The following GPC5 variants were observed in gnomAD, a reference collection of about 807,000 sequenced individuals.
GPC5 encodes the protein glypican 5, also known as glypican-5.
In GPC5, 47 loss-of-function variants were observed where a neutral mutation model predicts 53.9. The ratio of observed to expected loss-of-function variants is 0.87; its 90% CI spans 0.69 to 1.11. The LOEUF is 1.11. GPC5 is among the 50% of genes most tolerant of loss of function. The probability of loss-of-function intolerance (pLI) is 0.00; values close to 1 mark genes in which losing one functional copy is unlikely to be tolerated. For synonymous variants in GPC5, 286 were observed against 263.3 expected, an observed-to-expected ratio of 1.09 and a Z score of -0.84; for missense variants, 748 against 713.1, an observed-to-expected ratio of 1.05 and a Z score of -0.56.
intron 7 of GPC5, among the ~76,000 whole-genome samples, chr13:92,455,387 T>C (rs1878222384): frequency 6.6e-6 from 1 of 152,184 alleles, no homozygotes. Context: ...GTATGATCTC[T>C]AAAAATTCAA....
chr13:91,528,298 A>AG, intron 2 of GPC5, among the ~76,000 whole-genome samples: 1 of 152,182 alleles, frequency 6.6e-6, no homozygotes, highest in South Asian at 2.1e-4. Flanking sequence ...GCTGCTTAGA[A>AG]ATTTCTTCTG....
intron 6 of GPC5, among the ~76,000 whole-genome samples, chr13:92,099,498 T>C (rs936182104): frequency 2.6e-5 from 4 of 152,202 alleles, no homozygotes; most frequent in African/African-American, 9.7e-5. Flanking sequence ...ATGTCCAATC[T>C]TTCCCAAGAT....
At chr13:92,642,672 C>G (rs1200107149) in intron 7 of GPC5, among the ~76,000 whole-genome samples, 2 of 152,156 alleles carry the variant, frequency 1.3e-5, no homozygotes, top group Non-Finnish European at 2.9e-5. Context: ...TGTGTTGAGT[C>G]AAATTTGTAG....
At chr13:91,536,954 C>T (rs181458121) in intron 2 of GPC5, among the ~76,000 whole-genome samples, 73 of 151,912 alleles carry the variant, frequency 4.8e-4, no homozygotes, top group Admixed American at 9.8e-4. Context: ...AAATAATGAA[C>T]GAATCAAAGA....
At chr13:92,373,632 T>G (rs76076828) in intron 7 of GPC5, among the ~76,000 whole-genome samples, 2,865 of 152,294 alleles carry the variant, frequency 0.019, 99 homozygotes, top group African/African-American at 0.065. Flanking sequence ...CTTCCAGGCA[T>G]TCATATCCCT....
At chr13:92,308,914 A>C (rs1483126069) in intron 7 of GPC5, among the ~76,000 whole-genome samples, 1 of 152,104 alleles carries the variant, frequency 6.6e-6, no homozygotes, top group African/African-American at 2.4e-5. Flanking sequence ...AAGCATGGCC[A>C]TGTGTGATCC....
chr13:92,589,224 G>A (rs895473386), intron 7 of GPC5, among the ~76,000 whole-genome samples: 1 of 152,084 alleles, frequency 6.6e-6, no homozygotes, highest in African/African-American at 2.4e-5. Context: ...TCCATCTACC[G>A]GCTGTACCAA....
At chr13:91,761,189 A>G (rs1341546226) in intron 5 of GPC5, among the ~76,000 whole-genome samples, 1 of 152,162 alleles carries the variant, frequency 6.6e-6, no homozygotes, top group African/African-American at 2.4e-5. Flanking sequence ...CTTTTGATTA[A>G]CAGATAATCC....
At chr13:92,194,647 A>G (rs1455896316) in intron 7 of GPC5, among the ~76,000 whole-genome samples, 1 of 152,228 alleles carries the variant, frequency 6.6e-6, no homozygotes, top group Non-Finnish European at 1.5e-5. Context: ...AATCAGTTTC[A>G]GTTTGCTGCA....
intron 2 of GPC5, among the ~76,000 whole-genome samples, chr13:91,617,647 C>T (rs757001077): frequency 4.6e-5 from 7 of 152,086 alleles, no homozygotes; most frequent in Non-Finnish European, 1.0e-4. Context: ...TCCCTCCCTC[C>T]TTTCTTTTCT....
At chr13:92,756,010 T>G (rs370882489) in intron 7 of GPC5, among the ~76,000 whole-genome samples, 73 of 152,132 alleles carry the variant, frequency 4.8e-4, no homozygotes, top group African/African-American at 1.6e-3. Flanking sequence ...TACCAAAGCC[T>G]GGCAGAGACA....
At chr13:91,441,122 T>C (rs1446616547) in intron 1 of GPC5, among the ~76,000 whole-genome samples, 1 of 152,010 alleles carries the variant, frequency 6.6e-6, no homozygotes, top group Non-Finnish European at 1.5e-5. Flanking sequence ...CCTTCAAATA[T>C]TGACTCCTCT....
intron 7 of GPC5, among the ~76,000 whole-genome samples, chr13:92,723,816 C>T (rs1888566738): frequency 6.6e-6 from 1 of 151,542 alleles, no homozygotes; most frequent in South Asian, 2.1e-4. Context: ...GGTCAGAATG[C>T]TGTGTATCTT....
At chr13:91,657,694 C>A (rs1441112705) in intron 2 of GPC5, among the ~76,000 whole-genome samples, 1 of 151,974 alleles carries the variant, frequency 6.6e-6, no homozygotes, top group African/African-American at 2.4e-5. Flanking sequence ...ACTCACTAAA[C>A]CTGATAAAAA....
chr13:92,597,631 A>T (rs1883923691), intron 7 of GPC5, among the ~76,000 whole-genome samples: 1 of 152,200 alleles, frequency 6.6e-6, no homozygotes, highest in Non-Finnish European at 1.5e-5. Context: ...TTTTCCAAAT[A>T]ATGCCAAGGA....
chr13:92,787,276 T>C (rs527236708), intron 7 of GPC5, among the ~76,000 whole-genome samples: 1 of 151,886 alleles, frequency 6.6e-6, no homozygotes, highest in Non-Finnish European at 1.5e-5. Flanking sequence ...ATCTTTAAAA[T>C]CAGAAAATTA....
In GPC5 at chr13:92,808,871, A is replaced by C. The variant is rs150766689; in HGVS notation, c.1562-57411A>C. Reference sequence around the variant, plus strand: ...TGCCCCTGAAATTGTTATCTATTTAACTCCAATATTACTTGAAGAGGCTTA... The same window carrying C: ...TGCCCCTGAAATTGTTATCTATTTACCTCCAATATTACTTGAAGAGGCTTA... On this transcript the variant is annotated intron_variant, in intron 7 of 7. Transcript: ENST00000377067. Among the ~76,000 whole-genome samples, 914 of 152,188 alleles carry C rather than the reference A, an allele frequency of 6.0e-3. 11 individuals are homozygous for C. Among genetic ancestry groups the C allele is most frequent in the African/African-American group, 0.021 (873 of 41,520 alleles).
chr13:91,770,704 TTGTGTGTG>T (rs71113759), intron 5 of GPC5, among the ~76,000 whole-genome samples: 9 of 145,552 alleles, frequency 6.2e-5, no homozygotes, highest in Non-Finnish European at 9.1e-5. Context: ...GACTGTGTGT[TTGTGTGTG>T]TGTGTGTGTG....
chr13:91,426,777 T>A (rs1879086299), intron 1 of GPC5, among the ~76,000 whole-genome samples: 1 of 152,142 alleles, frequency 6.6e-6, no homozygotes, highest in African/African-American at 2.4e-5. Flanking sequence ...CCCACCAAGA[T>A]TGAGGGTGGG....
Sources: gnomAD v4.1 joint callset for allele counts (sites outside exome capture counted in the v4.1 genomes callset) on GRCh38, gnomAD v4.1.1 for gene constraint, MANE v1.5 for transcripts, NCBI Gene and HGNC (gene_info 2026-07-23, HGNC 2026-07-21) for gene names.